Variants in SLC6A14 observed in about 807,000 individuals in gnomAD.
The protein encoded by SLC6A14 is solute carrier family 6 member 14.
In SLC6A14, 21 loss-of-function variants were observed where a neutral mutation model predicts 51.4. The ratio of observed to expected loss-of-function variants is 0.41; its 90% confidence interval spans 0.29 to 0.59. The LOEUF (loss-of-function observed/expected upper bound fraction) is 0.59, where lower values mean the gene tolerates loss of function less well. Among genes scored for constraint, SLC6A14 ranks in the 20% least tolerant of loss-of-function variants. The pLI, the probability that SLC6A14 is intolerant of heterozygous loss-of-function variation, is 0.31. For synonymous variants in SLC6A14, 177 were observed against 160.7 expected (o/e 1.10, Z -0.77); for missense variants, 371 against 472.8 (o/e 0.78, Z 2.00).
At chrX:116,443,599 A>C (rs782643585) in intron 4 of SLC6A14, 44 bp from the exon 5 acceptor site, 1 of 928,259 alleles carries the variant, frequency 1.1e-6, no homozygotes, top group South Asian at 3.6e-5. Context: ...GTAATCTTCT[A>C]AAACTAAGTA....
At chrX:116,444,154 T>C (rs1448971978) in intron 5 of SLC6A14, among the ~76,000 whole-genome samples, 1 of 112,287 alleles carries the variant, frequency 8.9e-6, no homozygotes, top group African/African-American at 3.2e-5. Flanking sequence ...GTAATATTGC[T>C]ATTTAAAAAA....
chrX:116,456,966 G>C (rs2147391843), intron 12 of SLC6A14, among the ~76,000 whole-genome samples: 1 of 111,905 alleles, frequency 8.9e-6, no homozygotes, highest in South Asian at 3.6e-4. Context: ...AGATTTGACT[G>C]TATTGCCTAA....
intron 5 of SLC6A14, 44 bp from the exon 6 acceptor site, chrX:116,444,874 A>T: frequency 8.4e-7 from 1 of 1,189,167 alleles, no homozygotes; most frequent in East Asian, 3.0e-5. Context: ...TATTTTCTTT[A>T]AGTCAAGTGA....
In SLC6A14 at chrX:116,446,779, A is replaced by T; in HGVS notation, c.828A>T (p.Leu276=). The change falls in exon 7 of 14, where the codon CTA becomes CTT. Residue 276 remains leucine (L), a synonymous_variant. Coordinates refer to ENST00000598581, the MANE Select transcript of SLC6A14 (RefSeq NM_007231.5). ...CAGCTCTTTTCCCCTATGTGGTCCT[A>T]CTCATCCTGTTAGTACGAGGTGCAA... ...YFTALFPYVV[L]LILLVRGATL... 1 of 1,204,072 alleles carries T rather than the reference A, an allele frequency of 8.3e-7. No individual in the cohort carries two copies. Among genetic ancestry groups the T allele is most frequent in the Non-Finnish European group, 1.1e-6 (1 of 888,970 alleles).
chrX:116,454,851 G>T (rs1312218195), intron 10 of SLC6A14, 126 bp from the exon 11 acceptor site: 3 of 490,333 alleles, frequency 6.1e-6, no homozygotes, highest in Non-Finnish European at 1.0e-5. Flanking sequence ...ATTGCTTTTC[G>T]CATTTTAGCA....
chrX:116,441,364 GTCATTATTTTCCTA>G (rs782507163), intron 3 of SLC6A14, among the ~76,000 whole-genome samples: 1 of 112,355 alleles, frequency 8.9e-6, no homozygotes, highest in Admixed American at 9.4e-5. Flanking sequence ...TTAGAAGGGT[GTCATTATTTTCCTA>G]TTTTCACCCT....
chrX:116,437,897 C>T lies in SLC6A14; in HGVS notation c.156C>T (p.Tyr52=), dbSNP rs782664834. ...ATTATCTTCTATCTATGATTGGATA[C>T]GCAGTGGGATTAGGAAATGTGTGGA... ...KSDYLLSMIG[Y]AVGLGNVWRF... is the part of the protein sequence containing the mutation. The change falls in exon 2 of 14, where the codon TAC becomes TAT. Residue 52 remains tyrosine, a synonymous_variant. Coordinates refer to ENST00000598581, the MANE Select transcript of SLC6A14 (RefSeq NM_007231.5). 41 of 1,206,197 alleles carry T rather than the reference C, an allele frequency of 3.4e-5. No homozygotes were observed. The highest frequency in any genetic ancestry group is 8.8e-5 in the Admixed American group (4 of 45,582).
intron 7 of SLC6A14, among the ~76,000 whole-genome samples, chrX:116,447,264 T>C (rs1927733870): frequency 1.8e-5 from 2 of 112,221 alleles, no homozygotes; most frequent in Admixed American, 9.5e-5. Flanking sequence ...GAGATTACTG[T>C]TGAAAGTTTA....
chrX:116,457,842 C>A, intron 13 of SLC6A14, 66 bp downstream of exon 13: 1 of 819,421 alleles, frequency 1.2e-6, no homozygotes, highest in South Asian at 2.5e-5. Context: ...GATTAATTTA[C>A]TCACATGGTA....
At chrX:116,437,195 C>T (rs1927499265) in intron 1 of SLC6A14, among the ~76,000 whole-genome samples, 2 of 111,676 alleles carry the variant, frequency 1.8e-5, no homozygotes, top group Admixed American at 1.9e-4. Flanking sequence ...GCATATTATT[C>T]TACGGCTTTT....
At chrX:116,450,219 T>TA (rs1187574320) in intron 7 of SLC6A14, among the ~76,000 whole-genome samples, 4 of 111,246 alleles carry the variant, frequency 3.6e-5, no homozygotes, top group Non-Finnish European at 7.5e-5. Flanking sequence ...AAAATTAACC[T>TA]ACAAATTTTG....
In SLC6A14 at chrX:116,443,707, C is replaced by T. The variant is rs782026421; in HGVS notation, c.573C>T (p.Ser191=). The change falls in exon 5 of 14, where the codon AGC becomes AGT. Residue 191 remains serine (S), a synonymous_variant. Transcript: ENST00000598581. The part of the protein sequence containing the change: ...GIQEIIQMNK[S]WVDINNFTCI... ...AAGAGATCATCCAAATGAATAAAAGCTGGGTAGACATCAACAATTTTACCT... is the reference window on the plus strand; with the variant it reads ...AAGAGATCATCCAAATGAATAAAAGTTGGGTAGACATCAACAATTTTACCT... The T allele has an allele frequency of 8.3e-7, 1 of 1,200,577 alleles. No individual in the cohort carries two copies. The highest frequency in any genetic ancestry group is 1.1e-6 in the Non-Finnish European group (1 of 887,111).
rs782680033 is a variant in SLC6A14 at position 116,451,577 on chromosome X, C to T, written c.1066C>T (p.Leu356Phe). ...DAIVVCLTNC[L>F]TSVFAGFAIF... The stretch of plus-strand genomic sequence containing the variant: ...CATTGTGGTTTGTTTGACAAACTGT[C>T]TCACTAGCGTGTTTGCTGGATTTGC... Residue 356 changes from leucine (L) to phenylalanine (F), a missense_variant, in exon 8 of 14, where the codon CTC becomes TTC. Leu to Phe is a conservative substitution (Grantham distance 22). Transcript: ENST00000598581. The T allele has an allele frequency of 8.3e-7, 1 of 1,207,865 alleles. No homozygotes were observed. The highest frequency in any genetic ancestry group is 1.8e-5 in the African/African-American group (1 of 57,009).
intron 3 of SLC6A14, 146 bp from the exon 4 acceptor site, chrX:116,442,541 A>G (rs188164021): frequency 9.5e-5 from 39 of 411,490 alleles, no homozygotes; most frequent in African/African-American, 6.0e-4. Context: ...CTAGGATTAT[A>G]GGCATGAGCC....
In SLC6A14 at chrX:116,457,590, G is replaced by T; in HGVS notation, c.1615-19G>T. ...AAGTCTAATCTTTAGCTTTGTCTTTGCATATTTAACTTTGACAGGCAATAT... is the reference window on the plus strand; with the variant it reads ...AAGTCTAATCTTTAGCTTTGTCTTTTCATATTTAACTTTGACAGGCAATAT... On this transcript the variant is annotated intron_variant, in intron 12 of 13. Coordinates refer to ENST00000598581, the MANE Select transcript of SLC6A14 (RefSeq NM_007231.5). 8.4e-7 allele frequency: 1 copy of T among 1,190,323 alleles called. No homozygotes were observed. The highest frequency in any genetic ancestry group is 1.8e-5 in the South Asian group (1 of 54,314).
At chrX:116,442,648 T>C in intron 3 of SLC6A14, 39 bp from the exon 4 acceptor site, 3 of 1,043,379 alleles carry the variant, frequency 2.9e-6, no homozygotes, top group Non-Finnish European at 3.8e-6. Context: ...AAATTTTACT[T>C]GAGTTTGGTT....
In SLC6A14 at chrX:116,441,889, C is replaced by T. The variant is rs782636447; in HGVS notation, c.346+792C>T. 1.3e-4 allele frequency among the ~76,000 whole-genome samples: 14 copies of T among 111,705 alleles called. No individual in the cohort carries two copies. The South Asian group carries it at 1.9e-3, about 15-fold the overall frequency. The stretch of plus-strand genomic sequence containing the variant: ...CACATAGTTGTAGATATATCTACAC[C>T]ATCCCTCCAGGTCATTATTTTAGAG... On this transcript the variant is annotated intron_variant, in intron 3 of 13. Coordinates refer to ENST00000598581, the MANE Select transcript of SLC6A14 (RefSeq NM_007231.5).
At position 116,461,398 on chromosome X, in the gene SLC6A14, T is replaced by C. The variant is rs1279670582; in HGVS notation, c.*2443T>C. ...CTTGGAGATAATTTATGGTATTGTA[T>C]TGTAAACCATTAATGAAAACTTTTT... On this transcript the variant is annotated 3_prime_UTR_variant, in exon 14 of 14. Transcript: ENST00000598581. The C allele has an allele frequency of 3.6e-5, 6 of 168,341 alleles. No individual in the cohort carries two copies. The Admixed American group carries it at 4.5e-4, about 13-fold the overall frequency. The allele number at this position is 168,341 out of a possible 1,213,427, so 13.9% of individuals were successfully genotyped here. A position where few individuals can be genotyped will look rare whatever the true frequency, so the allele number is the denominator to read the frequency against.
Position 116,460,559 on chromosome X carries a change from C to CTTTTTTTT in SLC6A14, c.*1611_*1618dup, listed in dbSNP as rs1224657556. 2 of 88,831 alleles carry CTTTTTTTT rather than the reference C, an allele frequency of 2.3e-5. No individual in the cohort carries two copies. The highest frequency in any genetic ancestry group is 1.3e-4 in the Admixed American group (1 of 7,659). The allele number at this position is 88,831 out of a possible 1,213,427, so 7.3% of individuals were successfully genotyped here. On this transcript the variant is annotated 3_prime_UTR_variant, in exon 14 of 14. Coordinates refer to ENST00000598581, the MANE Select transcript of SLC6A14 (RefSeq NM_007231.5). ...TCTGAGGGTTTTCTTTTTCTTTTTC[C>CTTTTTTTT]TTTTTTTTTTTTTTGGTGGGGGGCT...
Sources: allele counts gnomAD v4.1 joint callset (sites outside exome capture counted in the v4.1 genomes callset), GRCh38; gene constraint gnomAD v4.1.1; transcripts MANE v1.5; gene names NCBI Gene and HGNC (gene_info 2026-07-23, HGNC 2026-07-21).